Variants in VPS13B observed in about 807,000 individuals in gnomAD.
VPS13B encodes the protein intermembrane lipid transfer protein VPS13B.
In VPS13B, 285 loss-of-function variants were observed where a neutral mutation model predicts 426.4. That is an observed-to-expected ratio of 0.67 (90% CI 0.61 to 0.74). The LOEUF is 0.74. Ranked by LOEUF, VPS13B falls within the 30% of genes least tolerant of loss-of-function variation. VPS13B has a pLI of 0.00. For missense variants in VPS13B, 4,537 were observed against 4,782.6 expected, an observed-to-expected ratio of 0.95 and a Z score of 1.51; for synonymous variants, 1,676 against 1,676.4, an observed-to-expected ratio of 1.00 and a Z score of 0.01.
At chr8:99,685,470 T>A (rs898572412) in intron 35 of VPS13B, among the ~76,000 whole-genome samples, 1 of 152,218 alleles carries the variant, frequency 6.6e-6, no homozygotes, top group Admixed American at 6.5e-5. Context: ...ATAATCTAGT[T>A]CCTTGTGGCT....
chr8:99,143,191 CTT>C, intron 13 of VPS13B, 26 bp downstream of exon 13: 1 of 1,612,932 alleles, frequency 6.2e-7, no homozygotes, highest in Non-Finnish European at 8.5e-7. Context: ...AATTTTGAAT[CTT>C]TTGCCATTTG....
At chr8:99,472,863 A>C (rs1386748512) in intron 24 of VPS13B, among the ~76,000 whole-genome samples, 1 of 152,052 alleles carries the variant, frequency 6.6e-6, no homozygotes, top group African/African-American at 2.4e-5. Context: ...CATTAAAAGC[A>C]TAATAAGAAA....
At chr8:99,210,560 T>C (rs2132793427) in intron 17 of VPS13B, among the ~76,000 whole-genome samples, 1 of 152,276 alleles carries the variant, frequency 6.6e-6, no homozygotes, top group African/African-American at 2.4e-5. Flanking sequence ...AAGCTGAATG[T>C]CTGGAAGTTG....
rs141409067 is a variant in VPS13B at position 99,367,025 on chromosome 8, G to C, written c.2825-17183G>C. ...CATCTTTTAATCTTTCTACTTAAGA[G>C]TAGTTTGTACACCACAATTACAGCA... On this transcript the variant is annotated intron_variant, in intron 19 of 61. Transcript: ENST00000357162. Among the ~76,000 whole-genome samples the C allele has an allele frequency of 6.1e-3, 925 of 152,278 alleles. 13 individuals are homozygous for C. The highest frequency in any genetic ancestry group is 0.021 in the African/African-American group (881 of 41,562).
At chr8:99,238,224 G>A (rs1816740683) in intron 17 of VPS13B, among the ~76,000 whole-genome samples, 1 of 151,552 alleles carries the variant, frequency 6.6e-6, no homozygotes, top group African/African-American at 2.4e-5. Context: ...CTCTAAATTA[G>A]TGTAAGAGTT....
chr8:99,560,203 CTGTT>C (rs1315468884), intron 31 of VPS13B, among the ~76,000 whole-genome samples: 3 of 152,206 alleles, frequency 2.0e-5, no homozygotes, highest in African/African-American at 2.4e-5. Context: ...ATTTGGCTCT[CTGTT>C]TGTCTGTTAT....
chr8:99,334,843 G>A (rs1810738081), intron 19 of VPS13B, among the ~76,000 whole-genome samples: 1 of 152,138 alleles, frequency 6.6e-6, no homozygotes, highest in Admixed American at 6.5e-5. Flanking sequence ...TCTCTGCCCT[G>A]CTTTGGTATC....
intron 17 of VPS13B, among the ~76,000 whole-genome samples, chr8:99,247,165 T>C (rs1051693911): frequency 3.3e-5 from 5 of 152,106 alleles, no homozygotes; most frequent in Non-Finnish European, 7.4e-5. Flanking sequence ...AGCTTTTGCT[T>C]TGTGCATGTT....
intron 19 of VPS13B, among the ~76,000 whole-genome samples, chr8:99,335,542 G>C (rs915188519): frequency 1.3e-5 from 2 of 152,022 alleles, no homozygotes; most frequent in Non-Finnish European, 2.9e-5. Context: ...GGAAATAAAG[G>C]GTATTCAATT....
At chr8:99,868,204 C>T in intron 58 of VPS13B, 85 bp from the exon 59 acceptor site, 1 of 1,564,438 alleles carries the variant, frequency 6.4e-7, no homozygotes, top group Admixed American at 1.7e-5. Context: ...ATTTTCAATC[C>T]AGATAAAACT....
intron 8 of VPS13B, among the ~76,000 whole-genome samples, chr8:99,132,943 CT>C (rs889951963): frequency 3.3e-5 from 5 of 152,152 alleles, no homozygotes; most frequent in African/African-American, 1.2e-4. Flanking sequence ...TAGCATGATT[CT>C]TAAGGGCCCT....
chr8:99,273,372 T>G (rs1447198307), intron 17 of VPS13B, among the ~76,000 whole-genome samples: 1 of 151,900 alleles, frequency 6.6e-6, no homozygotes, highest in African/African-American at 2.4e-5. Context: ...TTCACCATGT[T>G]GACCAGGATG....
intron 3 of VPS13B, among the ~76,000 whole-genome samples, chr8:99,072,291 G>A (rs373949166): frequency 1.7e-4 from 26 of 152,134 alleles, no homozygotes; most frequent in Middle Eastern, 3.4e-3. Context: ...CTTAGTCAGC[G>A]CGTTATGAAT....
intron 35 of VPS13B, among the ~76,000 whole-genome samples, chr8:99,690,903 G>A (rs1240465761): frequency 6.6e-6 from 1 of 152,100 alleles, no homozygotes; most frequent in African/African-American, 2.4e-5. Context: ...AAGCAAATTT[G>A]CACACACATA....
At chr8:99,462,679 A>G (rs1417447207) in intron 23 of VPS13B, among the ~76,000 whole-genome samples, 2 of 152,048 alleles carry the variant, frequency 1.3e-5, no homozygotes, top group African/African-American at 4.8e-5. Flanking sequence ...TGTTCCCTCA[A>G]ATTCATATGT....
chr8:99,559,348 C>T (rs1230122143), intron 31 of VPS13B, among the ~76,000 whole-genome samples: 9 of 152,172 alleles, frequency 5.9e-5, no homozygotes, highest in Admixed American at 3.3e-4. Flanking sequence ...TTCTCCCATT[C>T]TGTAGGTTGC....
intron 24 of VPS13B, among the ~76,000 whole-genome samples, chr8:99,468,250 G>T (rs1453046862): frequency 6.6e-6 from 1 of 151,990 alleles, no homozygotes; most frequent in Non-Finnish European, 1.5e-5. Flanking sequence ...TGCAGTGTTT[G>T]GTTTTCTGTC....
intron 19 of VPS13B, among the ~76,000 whole-genome samples, chr8:99,372,844 A>C (rs990543210): frequency 6.6e-6 from 1 of 152,206 alleles, no homozygotes; most frequent in Non-Finnish European, 1.5e-5. Context: ...GAATCATTCT[A>C]CTATAAAGAC....
At chr8:99,333,786 C>G (rs2133161600) in intron 19 of VPS13B, among the ~76,000 whole-genome samples, 1 of 152,010 alleles carries the variant, frequency 6.6e-6, no homozygotes, top group East Asian at 1.9e-4. Flanking sequence ...TATAACCTTT[C>G]TGGGATTGGC....
Sources: gnomAD v4.1 joint callset for allele counts (sites outside exome capture counted in the v4.1 genomes callset) on GRCh38, gnomAD v4.1.1 for gene constraint, MANE v1.5 for transcripts, NCBI Gene and HGNC (gene_info 2026-07-23, HGNC 2026-07-21) for gene names.